The following TSG101 variants were observed in gnomAD, a reference collection of about 807,000 sequenced individuals.
TSG101 encodes tumor susceptibility 101.
Under a neutral mutation model 48.5 loss-of-function variants are expected in TSG101, and 19 were observed. The ratio of observed to expected loss-of-function variants is 0.39; its 90% CI spans 0.27 to 0.58. The LOEUF is 0.58. Among genes scored for constraint, TSG101 ranks in the 20% least tolerant of loss-of-function variants. The pLI is 0.55. For missense variants in TSG101, 365 were observed against 484.4 expected (o/e 0.75, Z 2.31); for synonymous variants, 174 against 169.4 (o/e 1.03, Z -0.21).
At chr11:18,488,284 T>C (rs1242133998) in intron 7 of TSG101, among the ~76,000 whole-genome samples, 1 of 152,030 alleles carries the variant, frequency 6.6e-6, no homozygotes, top group Non-Finnish European at 1.5e-5. Flanking sequence ...GTGCATGAGG[T>C]TTTCTTTTCT....
intron 1 of TSG101, among the ~76,000 whole-genome samples, chr11:18,520,180 A>G (rs902980682): frequency 3.4e-4 from 52 of 152,220 alleles, no homozygotes; most frequent in African/African-American, 1.2e-3. Flanking sequence ...TTCACTTAGC[A>G]TGTTTTTGAG....
chr11:18,508,145 C>T (rs1247316693), intron 5 of TSG101, among the ~76,000 whole-genome samples: 2 of 151,394 alleles, frequency 1.3e-5, no homozygotes, highest in East Asian at 3.9e-4. Context: ...GAAAAGGTTA[C>T]CTTTGTCATA....
intron 7 of TSG101, among the ~76,000 whole-genome samples, chr11:18,500,811 T>TA (rs71457900): frequency 1.6e-5 from 1 of 62,624 alleles, no homozygotes; most frequent in Admixed American, 1.9e-4. Flanking sequence ...GTGCAGAAGC[T>TA]TTTTTTTTTT....
intron 7 of TSG101, among the ~76,000 whole-genome samples, chr11:18,486,230 G>C (rs1040311056): frequency 2.6e-5 from 4 of 152,224 alleles, no homozygotes; most frequent in Non-Finnish European, 4.4e-5. Flanking sequence ...CACAGGACAA[G>C]AACTCGGGAA....
chr11:18,500,323 T>A (rs936846940), intron 7 of TSG101, among the ~76,000 whole-genome samples: 1 of 152,228 alleles, frequency 6.6e-6, no homozygotes, highest in African/African-American at 2.4e-5. Context: ...ACTGATTTCC[T>A]TTCCCTTGGA....
In TSG101 at chr11:18,519,497, T is replaced by C. The variant is rs772821009; in HGVS notation, c.127+22A>G. ...AGTAAACTCAAAGTATAGAAATTGC[T>C]ATTTTTACTGCATAAACTCACCATA... On this transcript the variant is annotated intron_variant, in intron 2 of 9. Transcript: ENST00000251968. 5 of 1,542,342 alleles carry C rather than the reference T, an allele frequency of 3.2e-6. No homozygotes were observed. The African/African-American group carries it at 6.8e-5, about 21-fold the overall frequency.
At chr11:18,492,523 T>C (rs1318061634) in intron 7 of TSG101, among the ~76,000 whole-genome samples, 2 of 152,202 alleles carry the variant, frequency 1.3e-5, no homozygotes, top group East Asian at 3.9e-4. Flanking sequence ...TGTTTCTCTT[T>C]ATAGAATATG....
At chr11:18,510,597 G>A (rs567839199) in intron 4 of TSG101, among the ~76,000 whole-genome samples, 36 of 152,124 alleles carry the variant, frequency 2.4e-4, no homozygotes, top group Non-Finnish European at 4.6e-4. Context: ...GCCAGGGGTG[G>A]TGGCTTACAC....
intron 7 of TSG101, among the ~76,000 whole-genome samples, chr11:18,494,082 A>G (rs1849739575): frequency 6.6e-6 from 1 of 152,216 alleles, no homozygotes; most frequent in African/African-American, 2.4e-5. Context: ...ACACCACAAA[A>G]AAAGTTTAAA....
chr11:18,507,538 T>C (rs1242744404), intron 5 of TSG101: 1 of 152,194 alleles, frequency 6.6e-6, no homozygotes, highest in East Asian at 1.9e-4. Context: ...TAAAGAATAC[T>C]TTATACATTC....
intron 1 of TSG101, 28 bp downstream of exon 1, chr11:18,526,747 C>A: frequency 6.3e-7 from 1 of 1,597,604 alleles, no homozygotes. Flanking sequence ...TGGGCGCGCC[C>A]TGGGAGGCGA....
intron 6 of TSG101, among the ~76,000 whole-genome samples, 180 bp from the exon 7 acceptor site, chr11:18,502,757 C>T (rs1427086968): frequency 6.6e-6 from 1 of 152,234 alleles, no homozygotes; most frequent in Non-Finnish European, 1.5e-5. Context: ...ATTAATGACA[C>T]TGCATTTACT....
chr11:18,521,670 CTTTTTTTTTTT>C (rs869176661), intron 1 of TSG101, among the ~76,000 whole-genome samples: 41 of 66,744 alleles, frequency 6.1e-4, no homozygotes, highest in African/African-American at 2.1e-3. Context: ...TGGCCCCTTC[CTTTTTTTTTTT>C]TTTTTTTTTT....
At chr11:18,499,797 C>G (rs2133916543) in intron 7 of TSG101, among the ~76,000 whole-genome samples, 1 of 152,148 alleles carries the variant, frequency 6.6e-6, no homozygotes, top group East Asian at 1.9e-4. Flanking sequence ...ATGTAATGTT[C>G]AAGTGAGGGT....
At chr11:18,482,355 G>A (rs1849553723) in intron 8 of TSG101, among the ~76,000 whole-genome samples, 1 of 152,060 alleles carries the variant, frequency 6.6e-6, no homozygotes, top group South Asian at 2.1e-4. Flanking sequence ...GAGTTGTATT[G>A]GTGTCACTTT....
intron 1 of TSG101, among the ~76,000 whole-genome samples, chr11:18,523,982 A>T (rs2133936070): frequency 6.6e-6 from 1 of 152,144 alleles, no homozygotes; most frequent in East Asian, 1.9e-4. Flanking sequence ...GTAGAGACAG[A>T]GTCTAGCTAT....
At chr11:18,506,785 G>T (rs1849982370) in intron 6 of TSG101, 72 bp downstream of exon 6, 2 of 1,300,698 alleles carry the variant, frequency 1.5e-6, no homozygotes, top group South Asian at 1.7e-5. Flanking sequence ...GCCCTAATTA[G>T]CAAATTATTT....
At chr11:18,515,409 A>G (rs1850154259) in intron 3 of TSG101, among the ~76,000 whole-genome samples, 3 of 152,232 alleles carry the variant, frequency 2.0e-5, no homozygotes, top group Admixed American at 2.0e-4. Flanking sequence ...AATAATTAAC[A>G]AACAGAGCTG....
intron 2 of TSG101, among the ~76,000 whole-genome samples, chr11:18,516,854 T>C (rs1283501463): frequency 5.9e-5 from 9 of 151,510 alleles, no homozygotes; most frequent in East Asian, 2.0e-4. Flanking sequence ...GGCAGGAGAA[T>C]TGCTTGAACC....
Sources: gnomAD v4.1 joint callset for allele counts (sites outside exome capture counted in the v4.1 genomes callset) on GRCh38, gnomAD v4.1.1 for gene constraint, MANE v1.5 for transcripts, NCBI Gene and HGNC (gene_info 2026-07-23, HGNC 2026-07-21) for gene names.